NPR3: variants seen among roughly 807,000 people sequenced by gnomAD.
The protein encoded by NPR3 is natriuretic peptide receptor 3.
In NPR3, 34 loss-of-function variants were observed where a neutral mutation model predicts 54.5. The ratio of observed to expected loss-of-function variants is 0.62; its 90% CI spans 0.47 to 0.83. NPR3 has a LOEUF of 0.83. Ranked by LOEUF, NPR3 falls within the 40% of genes least tolerant of loss-of-function variation. The pLI is 0.00. For missense variants in NPR3, 674 were observed against 720.8 expected (o/e 0.94, Z 0.74); for synonymous variants, 289 against 297.1 (o/e 0.97, Z 0.28).
At chr5:32,737,376 T>C (rs1274017777) in intron 2 of NPR3, among the ~76,000 whole-genome samples, 3 of 152,226 alleles carry the variant, frequency 2.0e-5, no homozygotes, top group Non-Finnish European at 2.9e-5. Context: ...GCATAGTTCA[T>C]AGATGTTTGT....
intron 3 of NPR3, among the ~76,000 whole-genome samples, chr5:32,751,007 T>C (rs959014020): frequency 6.6e-6 from 1 of 152,244 alleles, no homozygotes; most frequent in African/African-American, 2.4e-5. Context: ...CATAGCTCTT[T>C]GTTGGCTTTT....
chr5:32,711,884 G>A lies in NPR3; in HGVS notation c.108G>A (p.Ala36=), dbSNP rs1392690210. 3 of 1,464,570 alleles carry A rather than the reference G, an allele frequency of 2.0e-6. No homozygotes were observed. The highest frequency in any genetic ancestry group is 2.8e-5 in the Admixed American group (1 of 35,276). 90.7% of individuals were successfully genotyped at this position (1,464,570 alleles called of 1,614,324 possible). The change falls in exon 1 of 8, where the codon GCG becomes GCA. Residue 36 remains alanine, a synonymous_variant. Coordinates refer to ENST00000265074, the MANE Select transcript of NPR3 (RefSeq NM_001204375.2). ...GCGTTGGCGGCGGCGGCGGTGGCGC[G>A]GGCATAGGCGGCGGACGCCAGGAGA... is the stretch of plus-strand genomic sequence containing the variant. ...GGGVGGGGGG[A]GIGGGRQERE... is the part of the protein sequence containing the mutation.
Position 32,742,186 on chromosome 5 carries a change from C to T in NPR3, c.1059+3156C>T, listed in dbSNP as rs527309043. Among the ~76,000 whole-genome samples the T allele has an allele frequency of 6.4e-4, 97 of 152,076 alleles. 1 individual carries two copies. Among genetic ancestry groups the T allele is most frequent in the African/African-American group, 2.2e-3 (91 of 41,460 alleles). ...CATGAGCTCTTCGTTCTCTGCTATC[C>T]GTCTTGAATTCAGTGACTTTGGTGG... On this transcript the variant is annotated intron_variant, in intron 3 of 7. Coordinates refer to ENST00000265074, the MANE Select transcript of NPR3 (RefSeq NM_001204375.2).
In NPR3 at chr5:32,711,511, ATG is replaced by A; in HGVS notation, c.-264_-263del. 22 of 1,165,658 alleles carry A rather than the reference ATG, an allele frequency of 1.9e-5. No homozygotes were observed. The highest frequency in any genetic ancestry group is 2.3e-5 in the Non-Finnish European group (22 of 943,450). The allele number at this position is 1,165,658 out of a possible 1,614,324, so 72.2% of individuals were successfully genotyped here. The stretch of plus-strand genomic sequence containing the variant: ...GGCGAATATATACAAGTATATATAT[ATG>A]TATATTACAGACGCACAGGTTTACA... On this transcript the variant is annotated 5_prime_UTR_variant, in exon 1 of 8. The change abolishes an upstream ATG in the 5' untranslated region. Transcript: ENST00000265074.
intron 3 of NPR3, among the ~76,000 whole-genome samples, chr5:32,757,064 T>G (rs1180226733): frequency 1.3e-5 from 2 of 152,334 alleles, no homozygotes; most frequent in East Asian, 3.9e-4. Flanking sequence ...TTCTTTTGGC[T>G]TAGGATTGTG....
chr5:32,710,473 T>C, upstream of NPR3: 1 of 526,646 alleles, frequency 1.9e-6, no homozygotes, highest in Non-Finnish European at 3.0e-6. Context: ...CCCTCGCCTT[T>C]GGGAGCAACA....
At chr5:32,774,867 AT>A in intron 4 of NPR3, 24 bp downstream of exon 4, 1 of 1,585,890 alleles carries the variant, frequency 6.3e-7, no homozygotes, top group Non-Finnish European at 8.7e-7. Context: ...CTATAAGGCA[AT>A]TACATGGGGC....
Position 32,729,039 on chromosome 5 carries a change from T to TG in NPR3, c.892+4219_892+4220insG, listed in dbSNP as rs1369246747. Among the ~76,000 whole-genome samples, 51 of 133,350 alleles carry TG rather than the reference T, an allele frequency of 3.8e-4. 1 individual carries two copies. Among genetic ancestry groups the TG allele is most frequent in the East Asian group, 8.4e-4 (4 of 4,736 alleles). 87.5% of individuals were successfully genotyped at this position (133,350 alleles called of 152,430 possible). ...GTTTTTTTTTTTTTTTGTTTTGTTT[T>TG]TTTTTTTTGAGACGGAGTCTCGCTC... On this transcript the variant is annotated intron_variant, in intron 2 of 7. Transcript: ENST00000265074.
At chr5:32,744,211 T>A (rs1402646080) in intron 3 of NPR3, among the ~76,000 whole-genome samples, 1 of 152,128 alleles carries the variant, frequency 6.6e-6, no homozygotes, top group Admixed American at 6.5e-5. Flanking sequence ...CAAGATGGTC[T>A]CGATCTCTTG....
chr5:32,743,987 A>ATCTT (rs1425701544), intron 3 of NPR3, among the ~76,000 whole-genome samples: 14,367 of 112,876 alleles, frequency 0.13, 1,415 homozygotes, highest in African/African-American at 0.15. Flanking sequence ...ATTCTGATGC[A>ATCTT]TTTTTTTTTT....
intron 1 of NPR3, among the ~76,000 whole-genome samples, chr5:32,713,900 G>C (rs191299953): frequency 1.2e-3 from 187 of 152,372 alleles, no homozygotes; most frequent in African/African-American, 4.4e-3. Context: ...CAGGCTGTCT[G>C]TGCCGAATTC....
intron 4 of NPR3, among the ~76,000 whole-genome samples, chr5:32,780,369 C>T (rs926715538): frequency 2.0e-5 from 3 of 152,120 alleles, no homozygotes; most frequent in Non-Finnish European, 4.4e-5. Flanking sequence ...TATAAATGTA[C>T]CCCACCTCCA....
chr5:32,724,102 A>C (rs916427181), intron 1 of NPR3, among the ~76,000 whole-genome samples: 1 of 152,268 alleles, frequency 6.6e-6, no homozygotes, highest in Non-Finnish European at 1.5e-5. Context: ...AATTATGAAA[A>C]GTAAGAACTT....
intron 1 of NPR3, chr5:32,716,633 A>G (rs1045469472): frequency 7.7e-6 from 2 of 258,870 alleles, no homozygotes; most frequent in African/African-American, 2.3e-5. Context: ...CTTACACAAT[A>G]TTTTTTAGTT....
chr5:32,737,134 G>A (rs947658154), intron 2 of NPR3, among the ~76,000 whole-genome samples: 30 of 151,904 alleles, frequency 2.0e-4, no homozygotes, highest in African/African-American at 1.2e-4. Flanking sequence ...TATTAAAATC[G>A]TGTTCACACA....
rs958427037 is a variant in NPR3, at chr5:32,739,986, T to A, written c.1059+956T>A. Among the ~76,000 whole-genome samples, 2 of 152,196 alleles carry A rather than the reference T, an allele frequency of 1.3e-5. 1 individual carries two copies. The highest frequency in any genetic ancestry group is 4.1e-4 in the South Asian group (2 of 4,830). On this transcript the variant is annotated intron_variant, in intron 3 of 7. Transcript: ENST00000265074. ...GCCTCAAACTCCTGGGCTCAAGCGATCCTCCAAGTTCAGCCCCCTGAGTAG... is the reference window on the plus strand; with the variant it reads ...GCCTCAAACTCCTGGGCTCAAGCGAACCTCCAAGTTCAGCCCCCTGAGTAG...
Position 32,764,910 on chromosome 5 carries a change from A to G in NPR3, c.1060-9798A>G, listed in dbSNP as rs190959117. ...GGAATGCTCTTTTTAAAACATAACA[A>G]TAATTCTACTAATCACACCAAAAAG... On this transcript the variant is annotated intron_variant, in intron 3 of 7. Transcript: ENST00000265074. Among the ~76,000 whole-genome samples the G allele has an allele frequency of 5.6e-4, 86 of 152,232 alleles. 1 individual carries two copies. The highest frequency in any genetic ancestry group is 5.7e-4 in the Non-Finnish European group (39 of 68,002).
At chr5:32,713,013 A>C (rs1381508450) in intron 1 of NPR3, 2 of 255,428 alleles carry the variant, frequency 7.8e-6, no homozygotes, top group African/African-American at 2.3e-5. Context: ...AGGCGTCGCC[A>C]CTTAGCTCGC....
chr5:32,734,475 G>T (rs1341035821), intron 2 of NPR3, among the ~76,000 whole-genome samples: 1 of 152,196 alleles, frequency 6.6e-6, no homozygotes, highest in African/African-American at 2.4e-5. Context: ...TGGGCACAGG[G>T]CTTGGTGCTG....
Sources: allele counts gnomAD v4.1 joint callset (sites outside exome capture counted in the v4.1 genomes callset), GRCh38; gene constraint gnomAD v4.1.1; transcripts MANE v1.5; gene names NCBI Gene and HGNC (gene_info 2026-07-23, HGNC 2026-07-21).